DNM3: variants seen among roughly 807,000 people sequenced by gnomAD.
The protein encoded by DNM3 is dynamin-3.
A neutral mutation model predicts 101.6 loss-of-function variants in DNM3; 47 were observed. The ratio of observed to expected loss-of-function variants is 0.46; its 90% confidence interval spans 0.37 to 0.59. DNM3 has a LOEUF of 0.59. Among genes scored for constraint, DNM3 ranks in the 20% least tolerant of loss-of-function variants. DNM3 has a pLI of 0.00. For synonymous variants in DNM3, 385 were observed against 387.9 expected, an observed-to-expected ratio of 0.99 and a Z score of 0.09; for missense variants, 849 against 1,085.7, an observed-to-expected ratio of 0.78 and a Z score of 3.06.
chr1:172,286,068 T>TTATATATATATATATATA (rs143628364), intron 15 of DNM3, among the ~76,000 whole-genome samples: 4 of 147,454 alleles, frequency 2.7e-5, no homozygotes, highest in African/African-American at 9.9e-5. Context: ...AGTGAGTTAT[T>TTATATATATATATATATA]TATATATATA....
chr1:172,010,613 AT>A (rs749047166), intron 4 of DNM3, among the ~76,000 whole-genome samples: 636 of 47,192 alleles, frequency 0.013, 6 homozygotes, highest in African/African-American at 0.031. Context: ...TATTATGGCT[AT>A]TTTTTTTTTT....
chr1:171,855,327 T>C (rs558238351), intron 1 of DNM3, among the ~76,000 whole-genome samples: 19 of 152,352 alleles, frequency 1.2e-4, no homozygotes, highest in Admixed American at 1.2e-3. Flanking sequence ...TGAATAGTGC[T>C]GCAGTGAACA....
intron 14 of DNM3, among the ~76,000 whole-genome samples, chr1:172,149,526 A>G (rs2058048406): frequency 4.6e-5 from 7 of 152,168 alleles, no homozygotes; most frequent in Admixed American, 4.6e-4. Context: ...AGAGCATACT[A>G]GCAGTGTAGT....
chr1:172,226,701 A>G (rs1406990655), intron 14 of DNM3, among the ~76,000 whole-genome samples: 2 of 152,128 alleles, frequency 1.3e-5, no homozygotes, highest in Non-Finnish European at 2.9e-5. Context: ...CACTCAACCA[A>G]TGTTAACTAT....
intron 1 of DNM3, among the ~76,000 whole-genome samples, chr1:171,899,939 G>A (rs991621770): frequency 6.6e-6 from 1 of 152,162 alleles, no homozygotes; most frequent in African/African-American, 2.4e-5. Context: ...CAAGGGAGAA[G>A]GTACACCAGA....
intron 20 of DNM3, among the ~76,000 whole-genome samples, chr1:172,417,948 G>A (rs939455027): frequency 2.6e-5 from 4 of 152,128 alleles, no homozygotes; most frequent in Admixed American, 6.6e-5. Flanking sequence ...TATTTGGCTC[G>A]GGGACTAGTC....
At chr1:172,173,049 T>G (rs2059020813) in intron 14 of DNM3, among the ~76,000 whole-genome samples, 1 of 151,760 alleles carries the variant, frequency 6.6e-6, no homozygotes, top group Admixed American at 6.6e-5. Context: ...AGGAAACAAT[T>G]TTATGAGGCT....
intron 11 of DNM3, among the ~76,000 whole-genome samples, chr1:172,078,763 G>T (rs1338518954): frequency 6.6e-6 from 1 of 152,122 alleles, no homozygotes; most frequent in Admixed American, 6.6e-5. Flanking sequence ...GCTGGTACTG[G>T]TTTTTCTTTT....
At chr1:172,388,477 A>G (rs1049820271) in intron 19 of DNM3, 96 bp from the exon 20 acceptor site, 11 of 1,094,540 alleles carry the variant, frequency 1.0e-5, no homozygotes, top group Admixed American at 2.4e-5. Context: ...CAGTCAAAAA[A>G]TAATTTTTAA....
intron 17 of DNM3, among the ~76,000 whole-genome samples, chr1:172,354,088 G>GGTGT (rs768549406): frequency 1.7e-4 from 21 of 123,116 alleles, no homozygotes; most frequent in African/African-American, 5.6e-4. Flanking sequence ...AAGGTGTTGG[G>GGTGT]GTGTGTGTGT....
intron 14 of DNM3, among the ~76,000 whole-genome samples, chr1:172,150,300 T>A (rs542738175): frequency 4.6e-5 from 7 of 152,286 alleles, no homozygotes; most frequent in Admixed American, 4.6e-4. Flanking sequence ...TGGTTCATGT[T>A]GAAAGGTTAT....
intron 6 of DNM3, among the ~76,000 whole-genome samples, chr1:172,035,873 T>C (rs2048919074): frequency 6.6e-6 from 1 of 152,146 alleles, no homozygotes; most frequent in Non-Finnish European, 1.5e-5. Flanking sequence ...TATAAACTAT[T>C]GACAAATAAC....
intron 12 of DNM3, among the ~76,000 whole-genome samples, chr1:172,087,800 T>G (rs546504699): frequency 1.3e-5 from 2 of 152,348 alleles, no homozygotes; most frequent in South Asian, 4.1e-4. Context: ...TCTCTGTTAC[T>G]TTCAGAATAA....
At chr1:171,850,695 T>C (rs2032830964) in intron 1 of DNM3, among the ~76,000 whole-genome samples, 1 of 152,172 alleles carries the variant, frequency 6.6e-6, no homozygotes, top group South Asian at 2.1e-4. Flanking sequence ...AAACATATCA[T>C]GTAAAATGTG....
intron 1 of DNM3, among the ~76,000 whole-genome samples, chr1:171,883,406 CACACACA>C (rs1558209810): frequency 2.0e-4 from 26 of 127,104 alleles, no homozygotes; most frequent in African/African-American, 6.5e-4. Flanking sequence ...CACACACACA[CACACACA>C]CCCTGTCAGA....
intron 1 of DNM3, among the ~76,000 whole-genome samples, chr1:171,850,767 GTT>G (rs367677909): frequency 7.2e-6 from 1 of 139,854 alleles, no homozygotes; most frequent in African/African-American, 2.6e-5. Context: ...TTAGGGCTTT[GTT>G]TTTTTTTTTT....
At chr1:172,272,911 G>A (rs2063140185) in intron 15 of DNM3, among the ~76,000 whole-genome samples, 1 of 152,036 alleles carries the variant, frequency 6.6e-6, no homozygotes, top group African/African-American at 2.4e-5. Flanking sequence ...CCTATAAAAT[G>A]CTTCAAGGAC....
At chr1:172,316,435 C>T (rs1405855382) in intron 16 of DNM3, among the ~76,000 whole-genome samples, 3 of 152,060 alleles carry the variant, frequency 2.0e-5, no homozygotes, top group Non-Finnish European at 4.4e-5. Flanking sequence ...TTAAAAGACA[C>T]AGACTGGCAA....
chr1:172,267,774 A>G (rs1349482885), intron 15 of DNM3, among the ~76,000 whole-genome samples: 1 of 151,808 alleles, frequency 6.6e-6, no homozygotes, highest in African/African-American at 2.4e-5. Flanking sequence ...GTGCAGTGGC[A>G]AGATCTCTGC....
Sources: allele counts gnomAD v4.1 joint callset (sites outside exome capture counted in the v4.1 genomes callset), GRCh38; gene constraint gnomAD v4.1.1; transcripts MANE v1.5; gene names NCBI Gene and HGNC (gene_info 2026-07-23, HGNC 2026-07-21).